SGPP1: variants seen among roughly 807,000 people sequenced by gnomAD.
SGPP1 encodes the protein sphingosine-1-phosphate phosphatase 1.
Under a neutral mutation model 33.0 loss-of-function variants are expected in SGPP1, and 21 were observed. The observed-to-expected ratio is 0.64, with a 90% CI of 0.45 to 0.92. The LOEUF (loss-of-function observed/expected upper bound fraction) is 0.92. Ranked by LOEUF, SGPP1 falls within the 40% of genes least tolerant of loss-of-function variation. The pLI is 0.00. For missense variants in SGPP1, 543 were observed against 589.4 expected, an observed-to-expected ratio of 0.92 and a Z score of 0.81; for synonymous variants, 239 against 241.2, an observed-to-expected ratio of 0.99 and a Z score of 0.08.
chr14:63,724,865 G>C (rs1445717328), intron 1 of SGPP1, among the ~76,000 whole-genome samples: 1 of 150,008 alleles, frequency 6.7e-6, no homozygotes, highest in Non-Finnish European at 1.5e-5. Context: ...CTGGGCAACA[G>C]AGCGAGACTC....
chr14:63,703,796 TTAAG>T (rs1885349446), intron 1 of SGPP1, among the ~76,000 whole-genome samples: 3 of 149,508 alleles, frequency 2.0e-5, no homozygotes, highest in African/African-American at 7.5e-5. Context: ...TAATCCCTAT[TTAAG>T]TTTTTTTTTT....
At chr14:63,720,284 A>G (rs567261250) in intron 1 of SGPP1, among the ~76,000 whole-genome samples, 2 of 152,076 alleles carry the variant, frequency 1.3e-5, no homozygotes, top group Non-Finnish European at 2.9e-5. Flanking sequence ...TAAGAAAAAA[A>G]GAAGAAATAG....
intron 1 of SGPP1, among the ~76,000 whole-genome samples, chr14:63,716,937 C>T (rs1445870498): frequency 6.6e-6 from 1 of 152,174 alleles, no homozygotes; most frequent in African/African-American, 2.4e-5. Context: ...AGCTGATCCA[C>T]CTGCCTTGGC....
intron 1 of SGPP1, among the ~76,000 whole-genome samples, chr14:63,711,018 T>TTG (rs1885511207): frequency 6.7e-6 from 1 of 150,214 alleles, no homozygotes; most frequent in African/African-American, 2.4e-5. Flanking sequence ...TTTCTTTCTT[T>TTG]TTTTTTTTTT....
intron 1 of SGPP1, among the ~76,000 whole-genome samples, chr14:63,726,078 T>C (rs535953085): frequency 2.0e-5 from 3 of 152,344 alleles, no homozygotes; most frequent in South Asian, 4.1e-4. Flanking sequence ...ATTCTTACTA[T>C]GCACAATGCG....
chr14:63,706,343 A>G (rs917761704), intron 1 of SGPP1, among the ~76,000 whole-genome samples: 1 of 152,180 alleles, frequency 6.6e-6, no homozygotes. Flanking sequence ...GTGTTTTGGA[A>G]CTAGATAGAA....
chr14:63,710,949 C>T (rs925925155), intron 1 of SGPP1, among the ~76,000 whole-genome samples: 1 of 152,006 alleles, frequency 6.6e-6, no homozygotes, highest in African/African-American at 2.4e-5. Context: ...TAATCATAAC[C>T]CTACAGTATA....
chr14:63,720,227 A>C (rs1022212713), intron 1 of SGPP1, among the ~76,000 whole-genome samples: 8 of 151,762 alleles, frequency 5.3e-5, no homozygotes, highest in African/African-American at 1.5e-4. Context: ...CAGGAGATTG[A>C]GACCAACCTT....
intron 1 of SGPP1, among the ~76,000 whole-genome samples, chr14:63,711,753 T>C (rs1437442126): frequency 6.6e-6 from 1 of 152,230 alleles, no homozygotes; most frequent in East Asian, 1.9e-4. Flanking sequence ...GCTGAGTACT[T>C]TTGCTGGCCA....
At chr14:63,716,999 T>G (rs960088927) in intron 1 of SGPP1, among the ~76,000 whole-genome samples, 1 of 152,134 alleles carries the variant, frequency 6.6e-6, no homozygotes, top group Admixed American at 6.6e-5. Context: ...AGGACCCAAC[T>G]GTAATTTTTA....
intron 1 of SGPP1, among the ~76,000 whole-genome samples, chr14:63,720,145 A>T (rs1034061994): frequency 6.9e-6 from 1 of 145,862 alleles, no homozygotes; most frequent in African/African-American, 2.7e-5. Context: ...AAAAAAAAAC[A>T]TGCTGGGCAT....
At chr14:63,705,634 T>C (rs1333813058) in intron 1 of SGPP1, among the ~76,000 whole-genome samples, 1 of 152,010 alleles carries the variant, frequency 6.6e-6, no homozygotes, top group Non-Finnish European at 1.5e-5. Flanking sequence ...TGCCATTGCG[T>C]TCTAGCCTGG....
intron 1 of SGPP1, among the ~76,000 whole-genome samples, chr14:63,722,950 C>T (rs919219011): frequency 9.0e-5 from 13 of 143,788 alleles, no homozygotes; most frequent in South Asian, 6.5e-4. Flanking sequence ...CCAGTCTGAG[C>T]GACAGAGTAA....
chr14:63,726,460 T>A (rs1054880052), intron 1 of SGPP1, among the ~76,000 whole-genome samples: 49 of 151,824 alleles, frequency 3.2e-4, no homozygotes, highest in East Asian at 7.7e-4. Context: ...AAAAAAAAAA[T>A]TTTCCTGATT....
chr14:63,704,952 C>T (rs540539858), intron 1 of SGPP1, among the ~76,000 whole-genome samples: 13 of 151,880 alleles, frequency 8.6e-5, no homozygotes, highest in South Asian at 4.2e-4. Flanking sequence ...ATGGTGAGAC[C>T]CTGTCTCTAT....
intron 1 of SGPP1, among the ~76,000 whole-genome samples, chr14:63,720,582 A>C (rs1885750460): frequency 6.6e-6 from 1 of 152,050 alleles, no homozygotes; most frequent in South Asian, 2.1e-4. Context: ...AACATGCTGA[A>C]ACCCCATTTC....
intron 1 of SGPP1, among the ~76,000 whole-genome samples, chr14:63,707,633 T>G (rs1459269140): frequency 1.3e-5 from 2 of 151,890 alleles, no homozygotes; most frequent in Non-Finnish European, 2.9e-5. Flanking sequence ...CCTCCCGGGT[T>G]CAAGCAATTC....
chr14:63,714,654 C>G (rs1885583466), intron 1 of SGPP1, among the ~76,000 whole-genome samples: 2 of 151,930 alleles, frequency 1.3e-5, no homozygotes, highest in Non-Finnish European at 2.9e-5. Flanking sequence ...CTCCTGGCCT[C>G]AAGTGATCCT....
intron 1 of SGPP1, among the ~76,000 whole-genome samples, chr14:63,702,581 G>A (rs748027180): frequency 6.6e-6 from 1 of 151,986 alleles, no homozygotes; most frequent in Non-Finnish European, 1.5e-5. Context: ...GTAGTGGCAC[G>A]CACCTGTAGT....
Sources: gnomAD v4.1 joint callset for allele counts (sites outside exome capture counted in the v4.1 genomes callset) on GRCh38, gnomAD v4.1.1 for gene constraint, MANE v1.5 for transcripts, NCBI Gene and HGNC (gene_info 2026-07-23, HGNC 2026-07-21) for gene names.